The following GPC5 variants were observed in gnomAD, a reference collection of about 807,000 sequenced individuals.
GPC5 encodes the protein glypican 5.
In GPC5, 47 loss-of-function variants were observed where a neutral mutation model predicts 53.9. That is an observed-to-expected ratio of 0.87 (90% CI 0.69 to 1.11). The LOEUF (loss-of-function observed/expected upper bound fraction) is 1.11, where lower values mean the gene tolerates loss of function less well. GPC5 is among the 50% of genes most tolerant of loss of function. The pLI, the probability that GPC5 is intolerant of heterozygous loss-of-function variation, is 0.00. For missense variants in GPC5, 748 were observed against 713.1 expected, an observed-to-expected ratio of 1.05 and a Z score of -0.56; for synonymous variants, 286 against 263.3, an observed-to-expected ratio of 1.09 and a Z score of -0.84.
intron 7 of GPC5, among the ~76,000 whole-genome samples, chr13:92,864,538 G>T (rs1879282094): frequency 6.6e-6 from 1 of 151,768 alleles, no homozygotes; most frequent in Non-Finnish European, 1.5e-5. Flanking sequence ...ATCCTGTAAT[G>T]CTCAAATTTA....
intron 6 of GPC5, among the ~76,000 whole-genome samples, chr13:92,005,717 C>T (rs998830353): frequency 1.3e-5 from 2 of 152,260 alleles, no homozygotes; most frequent in South Asian, 2.1e-4. Context: ...TCTCCCTGCA[C>T]CCAGGACAGT....
intron 2 of GPC5, among the ~76,000 whole-genome samples, chr13:91,681,291 T>C (rs1383481049): frequency 6.6e-6 from 1 of 152,154 alleles, no homozygotes; most frequent in Non-Finnish European, 1.5e-5. Flanking sequence ...ACAAAATTTT[T>C]ACCAATAGAG....
chr13:92,423,093 T>C (rs766239237), intron 7 of GPC5, among the ~76,000 whole-genome samples: 6 of 152,170 alleles, frequency 3.9e-5, no homozygotes, highest in Non-Finnish European at 5.9e-5. Flanking sequence ...ATGACTATCT[T>C]CTGTGTAGTA....
At chr13:92,111,600 A>G (rs2041557073) in intron 6 of GPC5, among the ~76,000 whole-genome samples, 3 of 152,056 alleles carry the variant, frequency 2.0e-5, no homozygotes, top group Admixed American at 6.5e-5. Context: ...AAAATGAAAC[A>G]TCAACAATGC....
chr13:92,158,620 C>T (rs1028729874), intron 7 of GPC5, among the ~76,000 whole-genome samples: 3 of 152,058 alleles, frequency 2.0e-5, no homozygotes, highest in Non-Finnish European at 4.4e-5. Flanking sequence ...AGACCCATTG[C>T]CTTTACTTCT....
intron 7 of GPC5, among the ~76,000 whole-genome samples, chr13:92,697,113 G>A (rs1277084763): frequency 6.6e-6 from 1 of 151,008 alleles, no homozygotes; most frequent in Non-Finnish European, 1.5e-5. Context: ...TTGTAGCATA[G>A]TTTGAAGTCA....
At chr13:91,630,486 C>T (rs1369163924) in intron 2 of GPC5, among the ~76,000 whole-genome samples, 1 of 152,148 alleles carries the variant, frequency 6.6e-6, no homozygotes, top group Non-Finnish European at 1.5e-5. Flanking sequence ...ATTATCTTGT[C>T]ACAGATGCAA....
At chr13:92,384,971 C>A (rs2043780099) in intron 7 of GPC5, among the ~76,000 whole-genome samples, 1 of 152,102 alleles carries the variant, frequency 6.6e-6, no homozygotes, top group South Asian at 2.1e-4. Context: ...ATCTGATCTA[C>A]CTGGACCTTC....
At chr13:91,742,605 A>G (rs1758347047) in intron 4 of GPC5, among the ~76,000 whole-genome samples, 1 of 152,196 alleles carries the variant, frequency 6.6e-6, no homozygotes, top group Non-Finnish European at 1.5e-5. Flanking sequence ...ACGTGCCCAT[A>G]TGTTTGGTAT....
chr13:92,234,007 C>T (rs1407200542), intron 7 of GPC5, among the ~76,000 whole-genome samples: 1 of 152,298 alleles, frequency 6.6e-6, no homozygotes, highest in Non-Finnish European at 1.5e-5. Context: ...TTTATGGCTG[C>T]ATAGTATTCC....
chr13:91,870,284 G>A (rs543467199), intron 5 of GPC5, among the ~76,000 whole-genome samples: 223 of 152,256 alleles, frequency 1.5e-3, no homozygotes, highest in African/African-American at 5.1e-3. Flanking sequence ...TGTTAGAAAA[G>A]GAGTAGATAA....
At chr13:91,952,687 CA>C (rs1352605199) in intron 6 of GPC5, among the ~76,000 whole-genome samples, 1 of 151,906 alleles carries the variant, frequency 6.6e-6, no homozygotes, top group African/African-American at 2.4e-5. Context: ...TCCAGGTCTA[CA>C]GGTTCAAAAG....
chr13:91,533,900 T>C (rs1452433048), intron 2 of GPC5, among the ~76,000 whole-genome samples: 1 of 152,098 alleles, frequency 6.6e-6, no homozygotes, highest in African/African-American at 2.4e-5. Flanking sequence ...TTAATGAAAA[T>C]TGGGGTTGGG....
intron 7 of GPC5, among the ~76,000 whole-genome samples, chr13:92,850,818 A>C (rs1310654695): frequency 6.6e-6 from 1 of 152,222 alleles, no homozygotes; most frequent in Admixed American, 6.5e-5. Flanking sequence ...AGTACAGTTG[A>C]GGGTAAAAGT....
intron 6 of GPC5, among the ~76,000 whole-genome samples, chr13:92,140,780 T>C (rs1355075219): frequency 6.6e-6 from 1 of 152,182 alleles, no homozygotes; most frequent in African/African-American, 2.4e-5. Flanking sequence ...GAAGATAAAC[T>C]GTAATGACAC....
chr13:91,679,803 T>C (rs1010919822), intron 2 of GPC5, among the ~76,000 whole-genome samples: 5 of 152,232 alleles, frequency 3.3e-5, no homozygotes, highest in African/African-American at 1.2e-4. Context: ...ATTTTTCATG[T>C]TCTATGTCAT....
At chr13:92,075,674 CTCTATTGGAACA>C (rs1401735949) in intron 6 of GPC5, among the ~76,000 whole-genome samples, 4 of 152,026 alleles carry the variant, frequency 2.6e-5, no homozygotes, top group Non-Finnish European at 4.4e-5. Flanking sequence ...CAAAAGATTT[CTCTATTGGAACA>C]TCTTTTATTT....
At chr13:92,038,148 T>C (rs1389786517) in intron 6 of GPC5, among the ~76,000 whole-genome samples, 1 of 151,986 alleles carries the variant, frequency 6.6e-6, no homozygotes, top group Non-Finnish European at 1.5e-5. Context: ...TTAGATTTCC[T>C]ATAGGATATT....
intron 2 of GPC5, among the ~76,000 whole-genome samples, chr13:91,543,859 A>G (rs2030116148): frequency 6.6e-6 from 1 of 152,160 alleles, no homozygotes; most frequent in Non-Finnish European, 1.5e-5. Context: ...GCAACCCTCC[A>G]TGTTGTTATG....
Sources: allele counts gnomAD v4.1 joint callset (sites outside exome capture counted in the v4.1 genomes callset), GRCh38; gene constraint gnomAD v4.1.1; transcripts MANE v1.5; gene names NCBI Gene and HGNC (gene_info 2026-07-23, HGNC 2026-07-21).